Variants in OLFM3 observed in about 807,000 individuals in gnomAD.
The protein encoded by OLFM3 is olfactomedin 3, also known as noelin-3.
Under a neutral mutation model 48.6 loss-of-function variants are expected in OLFM3, and 20 were observed. The ratio of observed to expected loss-of-function variants is 0.41; its 90% CI spans 0.29 to 0.60. The LOEUF (loss-of-function observed/expected upper bound fraction) is 0.60, where lower values mean the gene tolerates loss of function less well. Ranked by LOEUF, OLFM3 falls within the 20% of genes least tolerant of loss-of-function variation. The pLI is 0.28. For missense variants in OLFM3, 437 were observed against 544.3 expected (o/e 0.80, Z 1.96); for synonymous variants, 222 against 198.1 (o/e 1.12, Z -1.01).
intron 1 of OLFM3, among the ~76,000 whole-genome samples, chr1:101,989,753 A>G (rs1661349355): frequency 6.6e-6 from 1 of 152,194 alleles, no homozygotes; most frequent in African/African-American, 2.4e-5. Context: ...AGAAGTCTCT[A>G]CTGAGAAGAG....
At chr1:101,893,200 A>T in intron 1 of OLFM3, 1 of 290,952 alleles carries the variant, frequency 3.4e-6, no homozygotes, top group Non-Finnish European at 6.7e-6. Flanking sequence ...ACAAGAAAAC[A>T]GGCTCTGCAA....
In OLFM3 at chr1:101,921,200, T is replaced by TACACACACACACAC. The variant is rs142071103; in HGVS notation, c.69+75534_69+75547dup. ...ATAGTTGACAATCTATTTAAGTTTATACACACACACACACACACACACACA... is the reference window on the plus strand; with the variant it reads ...ATAGTTGACAATCTATTTAAGTTTATACACACACACACACACACACACACACACACACACACACA... On this transcript the variant is annotated intron_variant, in intron 1 of 5. Coordinates refer to ENST00000370103, the MANE Select transcript of OLFM3 (RefSeq NM_058170.4). Among the ~76,000 whole-genome samples the TACACACACACACAC allele has an allele frequency of 6.6e-3, 980 of 148,154 alleles. 10 individuals are homozygous for TACACACACACACAC. The highest frequency in any genetic ancestry group is 0.014 in the Middle Eastern group (4 of 292).
intron 1 of OLFM3, among the ~76,000 whole-genome samples, chr1:101,984,647 A>T (rs112350961): frequency 8.7e-4 from 133 of 152,240 alleles, no homozygotes; most frequent in African/African-American, 3.0e-3. Flanking sequence ...TGATCCACCC[A>T]CCTAGGCCTC....
intron 1 of OLFM3, among the ~76,000 whole-genome samples, chr1:101,947,446 A>C (rs1659995548): frequency 6.6e-6 from 1 of 152,144 alleles, no homozygotes; most frequent in Non-Finnish European, 1.5e-5. Context: ...GGGAGGTAAG[A>C]CCAAAAAAAT....
At chr1:101,871,524 A>G (rs1387011785) in intron 1 of OLFM3, among the ~76,000 whole-genome samples, 2 of 152,234 alleles carry the variant, frequency 1.3e-5, no homozygotes, top group South Asian at 2.1e-4. Flanking sequence ...GTAAGAATTG[A>G]TAGCTTGACA....
intron 1 of OLFM3, among the ~76,000 whole-genome samples, chr1:101,970,019 A>ATT (rs535399751): frequency 0.028 from 4,026 of 144,936 alleles, 61 homozygotes; most frequent in Admixed American, 0.036. Flanking sequence ...GTAATGACAG[A>ATT]TTTTTTTTTT....
At chr1:101,814,634 G>A (rs977933383) in intron 4 of OLFM3, among the ~76,000 whole-genome samples, 1 of 152,160 alleles carries the variant, frequency 6.6e-6, no homozygotes, top group African/African-American at 2.4e-5. Context: ...GCTAGGGGAA[G>A]GCAGCATCTT....
chr1:101,858,192 CAAT>C (rs1238668100), intron 1 of OLFM3, among the ~76,000 whole-genome samples: 1 of 151,952 alleles, frequency 6.6e-6, no homozygotes, highest in Non-Finnish European at 1.5e-5. Context: ...TTTTCCCTTT[CAAT>C]AATATGTGTA....
At chr1:101,987,694 A>G (rs181686279) in intron 1 of OLFM3, among the ~76,000 whole-genome samples, 59 of 152,258 alleles carry the variant, frequency 3.9e-4, no homozygotes, top group Admixed American at 3.3e-3. Flanking sequence ...AAATCTTGCC[A>G]TCTGGAATTG....
intron 1 of OLFM3, among the ~76,000 whole-genome samples, chr1:101,983,138 C>A (rs983564813): frequency 2.3e-4 from 35 of 152,128 alleles, no homozygotes; most frequent in African/African-American, 8.0e-4. Flanking sequence ...TCTTTTACAT[C>A]TTCATCAGCC....
intron 1 of OLFM3, among the ~76,000 whole-genome samples, chr1:101,974,404 C>A (rs964015233): frequency 6.6e-6 from 1 of 152,076 alleles, no homozygotes; most frequent in Non-Finnish European, 1.5e-5. Flanking sequence ...ATCTTTATAT[C>A]ATTCCTCAGA....
chr1:101,906,170 C>G (rs182240328), intron 1 of OLFM3, among the ~76,000 whole-genome samples: 1 of 151,722 alleles, frequency 6.6e-6, no homozygotes, highest in Non-Finnish European at 1.5e-5. Context: ...TGGAGAAATG[C>G]CTTTTATAGC....
intron 1 of OLFM3, among the ~76,000 whole-genome samples, chr1:101,967,716 G>A (rs922282759): frequency 2.0e-5 from 3 of 151,094 alleles, no homozygotes; most frequent in African/African-American, 7.3e-5. Context: ...TTTGGGAATT[G>A]TGTTATACAG....
chr1:101,837,097 T>C, intron 1 of OLFM3, 72 bp from the exon 2 acceptor site: 1 of 1,440,674 alleles, frequency 6.9e-7, no homozygotes, highest in Non-Finnish European at 9.4e-7. Context: ...GTTTGTAGCA[T>C]TTCAAGTAAA....
chr1:101,813,194 T>C, intron 4 of OLFM3: 1 of 852,876 alleles, frequency 1.2e-6, no homozygotes, highest in Non-Finnish European at 1.6e-6. Flanking sequence ...CAAATCTGTA[T>C]TGAGAAGAAA....
chr1:101,916,737 CATAAATCATTA>C (rs778619651), intron 1 of OLFM3, among the ~76,000 whole-genome samples: 2 of 152,066 alleles, frequency 1.3e-5, no homozygotes, highest in South Asian at 4.1e-4. Flanking sequence ...TCTTTTTAAA[CATAAATCATTA>C]ATGTCAAAGA....
intron 1 of OLFM3, among the ~76,000 whole-genome samples, chr1:101,895,094 G>A (rs986543127): frequency 6.6e-6 from 1 of 152,016 alleles, no homozygotes; most frequent in Non-Finnish European, 1.5e-5. Context: ...AATGGGCTTA[G>A]GTTTAACATC....
At chr1:101,926,682 C>T (rs1659279150) in intron 1 of OLFM3, among the ~76,000 whole-genome samples, 1 of 152,182 alleles carries the variant, frequency 6.6e-6, no homozygotes, top group Admixed American at 6.5e-5. Context: ...TGAGTTTCTT[C>T]ACTTACTAAA....
chr1:101,922,887 A>G (rs371296606), intron 1 of OLFM3, among the ~76,000 whole-genome samples: 2 of 152,362 alleles, frequency 1.3e-5, no homozygotes, highest in East Asian at 3.9e-4. Flanking sequence ...TTTAGAGTTT[A>G]TGATGAGGGG....
Sources: gnomAD v4.1 joint callset for allele counts (sites outside exome capture counted in the v4.1 genomes callset) on GRCh38, gnomAD v4.1.1 for gene constraint, MANE v1.5 for transcripts, NCBI Gene and HGNC (gene_info 2026-07-23, HGNC 2026-07-21) for gene names.